The following DDX27 variants were observed in gnomAD, a reference collection of about 807,000 sequenced individuals.
The protein encoded by DDX27 is DEAD-box helicase 27, also known as probable ATP-dependent RNA helicase DDX27.
Under a neutral mutation model 99.3 loss-of-function variants are expected in DDX27, and 42 were observed. The ratio of observed to expected loss-of-function variants is 0.42; its 90% CI spans 0.33 to 0.55. The LOEUF (loss-of-function observed/expected upper bound fraction) is 0.55. Among genes scored for constraint, DDX27 ranks in the 20% least tolerant of loss-of-function variants. The pLI, the probability that DDX27 is intolerant of heterozygous loss-of-function variation, is 0.07. For synonymous variants in DDX27, 329 were observed against 353.8 expected, an observed-to-expected ratio of 0.93 and a Z score of 0.79; for missense variants, 798 against 976.8, an observed-to-expected ratio of 0.82 and a Z score of 2.44.
At position 49,241,820 on chromosome 20, in the gene DDX27, C is replaced by T. The variant is rs530509544; in HGVS notation, c.1898-73C>T. The T allele has an allele frequency of 1.2e-3, 1,726 of 1,495,148 alleles. 24 individuals carry two copies. The South Asian group carries it at 0.014, about 12-fold the overall frequency. 92.6% of individuals were successfully genotyped at this position (1,495,148 alleles called of 1,614,324 possible). A position where few individuals can be genotyped will look rare whatever the true frequency, so the allele number is the denominator to read the frequency against. ...AATCTGCTAACTTACCAATTGAAAA[C>T]GTGCACTTCTTATCGTAAGCTTAAA... On this transcript the variant is annotated intron_variant, in intron 16 of 20. Transcript: ENST00000618172.
chr20:49,239,095 A>G (rs776880905), intron 15 of DDX27, 40 bp downstream of exon 15: 2 of 1,570,306 alleles, frequency 1.3e-6, no homozygotes, highest in East Asian at 2.2e-5. Flanking sequence ...AAGGCTGCTC[A>G]GTAAGCAAGC....
intron 9 of DDX27, chr20:49,230,946 C>G (rs1050540168): frequency 6.6e-6 from 1 of 152,392 alleles, no homozygotes; most frequent in Non-Finnish European, 1.5e-5. Flanking sequence ...GACTCTTCAC[C>G]AGCTTGGGGA....
At chr20:49,231,760 G>A (rs1442451823) in intron 9 of DDX27, among the ~76,000 whole-genome samples, 1 of 152,214 alleles carries the variant, frequency 6.6e-6, no homozygotes, top group East Asian at 1.9e-4. Context: ...TCTCATGATG[G>A]AGCGTGAATG....
chr20:49,231,225 T>G (rs1980099244), intron 9 of DDX27: 1 of 152,480 alleles, frequency 6.6e-6, no homozygotes, highest in South Asian at 2.1e-4. Context: ...TGAGGGTTCA[T>G]GGAGTGCCAA....
At chr20:49,226,886 G>A (rs1262460493) in intron 7 of DDX27, among the ~76,000 whole-genome samples, 5 of 21,940 alleles carry the variant, frequency 2.3e-4, no homozygotes, top group East Asian at 7.8e-4. Context: ...TTTTTGAGAC[G>A]GAGTCTCGCT....
rs1211693800 is a variant in DDX27, at chr20:49,236,777, C to T, written c.1687+267C>T. Among the ~76,000 whole-genome samples, 1 of 152,098 alleles carries T rather than the reference C, an allele frequency of 6.6e-6. No homozygotes were observed. The highest frequency in any genetic ancestry group is 1.9e-4 in the East Asian group (1 of 5,188). On this transcript the variant is annotated intron_variant, in intron 14 of 20. Transcript: ENST00000618172. This position sits in a 1 kb window ranked among gnomAD's most constrained non-coding sequence, Gnocchi z 4.1. Reference sequence around the variant, plus strand: ...AGAAGGTTGCTTGGGGCAAAATTCTCACTAAACTCCTCTTTCCCTTACTGT... The same window carrying T: ...AGAAGGTTGCTTGGGGCAAAATTCTTACTAAACTCCTCTTTCCCTTACTGT...
chr20:49,227,024 G>A (rs370537397), intron 7 of DDX27, among the ~76,000 whole-genome samples: 8 of 150,086 alleles, frequency 5.3e-5, no homozygotes, highest in Admixed American at 1.3e-4. Flanking sequence ...CACTACGCCC[G>A]GCTAATTTTT....
rs577365904 is a variant in DDX27 at position 49,235,234 on chromosome 20, C to T, written c.1427+146C>T. On this transcript the variant is annotated intron_variant, in intron 12 of 20. Coordinates refer to ENST00000618172, the MANE Select transcript of DDX27 (RefSeq NM_017895.8). The stretch of plus-strand genomic sequence containing the variant: ...GGCCTTGAACATTTTAACCTAACCA[C>T]TGTGAGGTCATGTCTTAGATGTGTT... 4.6e-6 allele frequency: 4 copies of T among 872,028 alleles called. No individual in the cohort carries two copies. In the South Asian group the frequency reaches 8.2e-5, roughly 18 times the overall value. The allele number at this position is 872,028 out of a possible 1,614,324, so 54.0% of individuals were successfully genotyped here. A position where few individuals can be genotyped will look rare whatever the true frequency, so the allele number is the denominator to read the frequency against.
At chr20:49,224,270 G>A (rs1292958842) in intron 4 of DDX27, among the ~76,000 whole-genome samples, 3 of 152,016 alleles carry the variant, frequency 2.0e-5, no homozygotes, top group Admixed American at 6.6e-5. Flanking sequence ...AGCCCCATGC[G>A]GCTGCCAGAT....
chr20:49,220,776 C>T (rs1043889694), intron 1 of DDX27, among the ~76,000 whole-genome samples: 6 of 140,354 alleles, frequency 4.3e-5, no homozygotes, highest in South Asian at 2.5e-4. Flanking sequence ...ACCCATGATG[C>T]GGGGGGAATT....
rs1424444918 is a variant in DDX27 at position 49,239,064 on chromosome 20, G to A, written c.1794+9G>A. On this transcript the variant is annotated intron_variant, in intron 15 of 20. Coordinates refer to ENST00000618172, the MANE Select transcript of DDX27 (RefSeq NM_017895.8). ...AGCAGTCAGAAGCCCAGGTGAGGCT[G>A]CGAGGCGGGATCTTGTTCACAAGGC... 3.7e-6 allele frequency: 6 copies of A among 1,609,802 alleles called. No individual in the cohort carries two copies. Among genetic ancestry groups the A allele is most frequent in the Non-Finnish European group, 5.1e-6 (6 of 1,176,212 alleles).
chr20:49,226,184 T>C (rs1197888390), intron 6 of DDX27, among the ~76,000 whole-genome samples: 1 of 152,152 alleles, frequency 6.6e-6, no homozygotes, highest in East Asian at 1.9e-4. Context: ...CATGTGTTTG[T>C]TTTTTGGTCT....
At position 49,223,440 on chromosome 20, in the gene DDX27, G is replaced by A. The variant is rs759299586; in HGVS notation, c.466+7G>A. 1.2e-5 allele frequency: 19 copies of A among 1,603,680 alleles called. No individual in the cohort carries two copies. Among genetic ancestry groups the A allele is most frequent in the South Asian group, 7.9e-5 (7 of 89,044 alleles). On this transcript the variant is annotated splice_region_variant and intron_variant, in intron 4 of 20. Transcript: ENST00000618172. ...AACATCCTCACCAAAGCAGGTAGAC[G>A]TTACGGCGGAGGTGTCAGTAATGGG...
intron 18 of DDX27, 128 bp downstream of exon 18, chr20:49,242,334 T>C (rs1317236622): frequency 2.8e-6 from 4 of 1,438,482 alleles, no homozygotes; most frequent in Middle Eastern, 2.5e-4. Flanking sequence ...TATGTACCAA[T>C]GTGTACAGCT....
chr20:49,234,855 A>G (rs1322314486), intron 11 of DDX27, 80 bp from the exon 12 acceptor site: 1 of 1,486,996 alleles, frequency 6.7e-7, no homozygotes, highest in East Asian at 2.3e-5. Flanking sequence ...CACAGTGACC[A>G]TACTTTGTGG....
intron 9 of DDX27, 131 bp from the exon 10 acceptor site, chr20:49,233,175 T>C: frequency 1.6e-6 from 1 of 643,206 alleles, no homozygotes; most frequent in Middle Eastern, 3.0e-4. Context: ...GGTGAAAAGA[T>C]AAAATAATAA....
At chr20:49,239,780 A>T (rs1223616529) in intron 16 of DDX27, among the ~76,000 whole-genome samples, 1 of 152,194 alleles carries the variant, frequency 6.6e-6, no homozygotes, top group Non-Finnish European at 1.5e-5. Context: ...TGCTCTTTGA[A>T]TTACTGTTCA....
intron 8 of DDX27, among the ~76,000 whole-genome samples, chr20:49,229,529 A>G (rs1980025354): frequency 6.6e-6 from 1 of 152,150 alleles, no homozygotes; most frequent in Non-Finnish European, 1.5e-5. Context: ...AGTGTTATCT[A>G]GCCTGCATTT....
chr20:49,236,351 C>A lies in DDX27; in HGVS notation c.1528C>A (p.Pro510Thr), dbSNP rs1299285005. Residue 510 changes from proline (P) to threonine (T), a missense_variant, in exon 14 of 21, where the codon CCT becomes ACT. Transcript: ENST00000618172. This position sits in a 1 kb window ranked among gnomAD's most constrained non-coding sequence, Gnocchi z 4.1. ...GVKTVINFTM[P>T]NTIKHYVHRV... is the part of the protein sequence containing the mutation. The stretch of plus-strand genomic sequence containing the variant: ...CTTCTAGGTAATCAACTTCACAATG[C>A]CTAATACCATCAAACATTATGTCCA... 6.2e-7 allele frequency: 1 copy of A among 1,601,308 alleles called. No homozygotes were observed. Among genetic ancestry groups the A allele is most frequent in the African/African-American group, 1.3e-5 (1 of 74,600 alleles).
Sources: allele counts gnomAD v4.1 joint callset (sites outside exome capture counted in the v4.1 genomes callset), GRCh38; gene constraint gnomAD v4.1.1; non-coding constraint Gnocchi (gnomAD v3.1); transcripts MANE v1.5; gene names NCBI Gene and HGNC (gene_info 2026-07-23, HGNC 2026-07-21).